Variants in PAFAH1B1 observed in about 807,000 individuals in gnomAD.
PAFAH1B1 encodes platelet activating factor acetylhydrolase 1b regulatory subunit 1, also known as platelet-activating factor acetylhydrolase IB subunit beta.
A neutral mutation model predicts 57.5 loss-of-function variants in PAFAH1B1; 2 were observed. The ratio of observed to expected loss-of-function variants is 0.03; its 90% CI spans 0.01 to 0.11. The LOEUF is 0.11. PAFAH1B1 is among the 10% of genes least tolerant of loss of function. The pLI is 1.00. For synonymous variants in PAFAH1B1, 152 were observed against 169.6 expected (o/e 0.90, Z 0.81); for missense variants, 257 against 512.0 (o/e 0.50, Z 4.81).
intron 1 of PAFAH1B1, among the ~76,000 whole-genome samples, chr17:2,635,193 A>G (rs1292888516): frequency 6.6e-6 from 1 of 151,610 alleles, no homozygotes; most frequent in African/African-American, 2.4e-5. Context: ...CATTTTCCCC[A>G]TTAAACATGT....
chr17:2,672,855 G>A lies in PAFAH1B1; in HGVS notation c.671+98G>A, dbSNP rs2069202548. 7.9e-6 allele frequency: 6 copies of A among 762,150 alleles called. No homozygotes were observed. In the Admixed American group the frequency reaches 1.2e-4, roughly 15 times the overall value. 47.2% of individuals were successfully genotyped at this position (762,150 alleles called of 1,614,324 possible). On this transcript the variant is annotated intron_variant, in intron 7 of 10. Transcript: ENST00000397195. ...GAGGCCAAGGTGGGCAGATCACCTG[G>A]TCAGGAATTGAAGACCAGCCTGGCC...
At chr17:2,599,971 CTTTT>C (rs34442256) in intron 1 of PAFAH1B1, among the ~76,000 whole-genome samples, 7 of 82,772 alleles carry the variant, frequency 8.5e-5, no homozygotes, top group African/African-American at 4.9e-5. Flanking sequence ...CATTTTTAAC[CTTTT>C]TTTTTTTTTT....
chr17:2,595,687 T>C (rs2068078054), intron 1 of PAFAH1B1, among the ~76,000 whole-genome samples: 1 of 152,120 alleles, frequency 6.6e-6, no homozygotes, highest in Admixed American at 6.5e-5. Context: ...TTTAGGGTGA[T>C]TTCTTTCGTG....
chr17:2,630,782 T>C (rs1966816454), intron 1 of PAFAH1B1, among the ~76,000 whole-genome samples: 1 of 152,214 alleles, frequency 6.6e-6, no homozygotes, highest in Non-Finnish European at 1.5e-5. Flanking sequence ...ATCCCAGACG[T>C]CTTGGAAGCT....
At chr17:2,655,364 T>C (rs2068923217) in intron 2 of PAFAH1B1, among the ~76,000 whole-genome samples, 2 of 151,936 alleles carry the variant, frequency 1.3e-5, no homozygotes, top group Non-Finnish European at 2.9e-5. Flanking sequence ...TTCTAGAGAA[T>C]TGTATTAGAA....
At chr17:2,654,273 CCT>C (rs2068907548) in intron 2 of PAFAH1B1, among the ~76,000 whole-genome samples, 2 of 151,372 alleles carry the variant, frequency 1.3e-5, no homozygotes, top group South Asian at 2.1e-4. Flanking sequence ...CACTGCAACC[CCT>C]GTCTCCCAGG....
chr17:2,597,121 A>C (rs2068091615), intron 1 of PAFAH1B1, among the ~76,000 whole-genome samples: 2 of 152,186 alleles, frequency 1.3e-5, no homozygotes, highest in South Asian at 4.1e-4. Flanking sequence ...GTTGTTAATC[A>C]GGAGCTTAAG....
chr17:2,681,624 G>C (rs1431546688), intron 10 of PAFAH1B1, 105 bp from the exon 11 acceptor site: 9 of 859,440 alleles, frequency 1.0e-5, no homozygotes, highest in Non-Finnish European at 1.7e-5. Flanking sequence ...ACCATGCCCG[G>C]CTAATTTTTT....
intron 6 of PAFAH1B1, among the ~76,000 whole-genome samples, chr17:2,672,434 T>A (rs958798133): frequency 2.6e-5 from 4 of 152,160 alleles, no homozygotes; most frequent in African/African-American, 9.7e-5. Flanking sequence ...TGAAATTTAA[T>A]CCTAAATGGA....
chr17:2,674,485 G>A (rs2069232679), intron 8 of PAFAH1B1, among the ~76,000 whole-genome samples, 197 bp downstream of exon 8: 1 of 152,174 alleles, frequency 6.6e-6, no homozygotes, highest in African/African-American at 2.4e-5. Flanking sequence ...ATTGCTGTCA[G>A]CCTATCCTTG....
At chr17:2,623,900 A>G (rs1231598578) in intron 1 of PAFAH1B1, among the ~76,000 whole-genome samples, 2 of 152,256 alleles carry the variant, frequency 1.3e-5, no homozygotes, top group Non-Finnish European at 2.9e-5. Context: ...TTGGCGTCCC[A>G]AAATGCTAGG....
intron 1 of PAFAH1B1, among the ~76,000 whole-genome samples, chr17:2,603,627 A>G (rs1051504931): frequency 1.3e-4 from 20 of 150,236 alleles, no homozygotes; most frequent in African/African-American, 3.7e-4. Context: ...TGTCTCAAGG[A>G]AAAAAAAAAG....
At chr17:2,613,289 G>A (rs557545371) in intron 1 of PAFAH1B1, 4 of 216,794 alleles carry the variant, frequency 1.8e-5, no homozygotes, top group South Asian at 2.3e-4. Flanking sequence ...TCAGCACAGA[G>A]GCTGGGAAGG....
intron 1 of PAFAH1B1, among the ~76,000 whole-genome samples, chr17:2,636,542 C>T (rs910150967): frequency 1.3e-5 from 2 of 152,030 alleles, no homozygotes; most frequent in Admixed American, 6.6e-5. Context: ...CTCTGTCTCC[C>T]AGGTTCAAGC....
chr17:2,637,499 G>A lies in PAFAH1B1; in HGVS notation c.-190-600G>A, dbSNP rs142990269. Among the ~76,000 whole-genome samples, 760 of 152,240 alleles carry A rather than the reference G, an allele frequency of 5.0e-3. 9 individuals are homozygous for A. The highest frequency in any genetic ancestry group is 0.018 in the African/African-American group (727 of 41,526). ...CTTGGGAAGCTGAGGTGGGAGGATCGCTTAAGCCCAGAGGGGGAAGGCTGC... is the reference window on the plus strand; with the variant it reads ...CTTGGGAAGCTGAGGTGGGAGGATCACTTAAGCCCAGAGGGGGAAGGCTGC... On this transcript the variant is annotated intron_variant, in intron 1 of 10. Transcript: ENST00000397195.
intron 1 of PAFAH1B1, chr17:2,609,393 G>T (rs575017514): frequency 6.6e-6 from 1 of 152,234 alleles, no homozygotes; most frequent in African/African-American, 2.4e-5. Context: ...TATCGCCCTT[G>T]TATTGTTCAT....
At chr17:2,613,945 G>GC (rs2151617114) in intron 1 of PAFAH1B1, 1 of 186,144 alleles carries the variant, frequency 5.4e-6, no homozygotes, top group Non-Finnish European at 1.1e-5. Flanking sequence ...GCAAGAGGGG[G>GC]CGGCTGTGGC....
At chr17:2,606,399 CTT>C (rs2068204503) in intron 1 of PAFAH1B1, among the ~76,000 whole-genome samples, 1 of 151,970 alleles carries the variant, frequency 6.6e-6, no homozygotes. Flanking sequence ...AAGTTTCACT[CTT>C]GTCGCCCAGG....
At chr17:2,615,959 C>T (rs1208794763) in intron 1 of PAFAH1B1, among the ~76,000 whole-genome samples, 2 of 152,070 alleles carry the variant, frequency 1.3e-5, no homozygotes, top group Non-Finnish European at 2.9e-5. Flanking sequence ...GAAAGATGAG[C>T]ATTAATGAGG....
Sources: allele counts gnomAD v4.1 joint callset (sites outside exome capture counted in the v4.1 genomes callset), GRCh38; gene constraint gnomAD v4.1.1; transcripts MANE v1.5; gene names NCBI Gene and HGNC (gene_info 2026-07-23, HGNC 2026-07-21).